Variants in CLNK observed in about 807,000 individuals in gnomAD.
CLNK encodes cytokine dependent hematopoietic cell linker, also known as cytokine-dependent hematopoietic cell linker.
CLNK carries 74 observed loss-of-function variants against 68.6 expected under a neutral mutation model. The observed-to-expected ratio is 1.08, with a 90% CI of 0.89 to 1.31. The LOEUF (loss-of-function observed/expected upper bound fraction) is 1.31, where lower values mean the gene tolerates loss of function less well. CLNK is among the 50% of genes most tolerant of loss of function. The pLI is 0.00. For missense variants in CLNK, 553 were observed against 515.3 expected (o/e 1.07, Z -0.71); for synonymous variants, 198 against 172.2 (o/e 1.15, Z -1.17).
chr4:10,695,274 A>C, the CLNK span, among the ~76,000 whole-genome samples: 3 of 152,210 alleles, frequency 2.0e-5, no homozygotes, highest in South Asian at 6.2e-4. Flanking sequence ...CATGTGCCAT[A>C]ACCTCACATT....
intron 2 of CLNK, among the ~76,000 whole-genome samples, chr4:10,616,167 C>T (rs1389797381): frequency 6.6e-6 from 1 of 152,220 alleles, no homozygotes; most frequent in Non-Finnish European, 1.5e-5. Flanking sequence ...TCTATTTTAT[C>T]TGAATGGTGG....
chr4:10,528,165 GT>G, intron 12 of CLNK, 71 bp from the exon 13 acceptor site: 1 of 712,692 alleles, frequency 1.4e-6, no homozygotes, highest in Non-Finnish European at 2.0e-6. Context: ...CACCATGTGT[GT>G]TTTTAGAGCA....
At chr4:10,643,686 A>T (rs542815320) in intron 2 of CLNK, among the ~76,000 whole-genome samples, 3 of 152,104 alleles carry the variant, frequency 2.0e-5, no homozygotes, top group Non-Finnish European at 4.4e-5. Context: ...TTTCTAATAT[A>T]CCCCCAGTCA....
At chr4:10,530,149 G>A (rs28560012) in intron 12 of CLNK, among the ~76,000 whole-genome samples, 4,918 of 151,980 alleles carry the variant, frequency 0.032, 267 homozygotes, top group African/African-American at 0.11. Context: ...CACGGCGGTG[G>A]GGAAGACACC....
chr4:10,689,250 T>A (rs1725378527), upstream of CLNK, among the ~76,000 whole-genome samples: 1 of 152,020 alleles, frequency 6.6e-6, no homozygotes, highest in South Asian at 2.1e-4. Context: ...TTCTCCTGCA[T>A]CAGCCTCCTG....
intron 2 of CLNK, among the ~76,000 whole-genome samples, chr4:10,624,062 C>T (rs1431772693): frequency 6.6e-6 from 1 of 152,186 alleles, no homozygotes; most frequent in Non-Finnish European, 1.5e-5. Flanking sequence ...CTGAAAAGAA[C>T]ACTTTTCAGT....
rs575306331 is a variant in CLNK at position 10,540,967 on chromosome 4, C to G, written c.492-363G>C. Among the ~76,000 whole-genome samples the G allele has an allele frequency of 9.3e-4, 141 of 152,200 alleles. 1 individual carries two copies. Among genetic ancestry groups the G allele is most frequent in the African/African-American group, 3.2e-3 (133 of 41,516 alleles). On this transcript the variant is annotated intron_variant, in intron 10 of 18. Coordinates refer to ENST00000226951, the MANE Select transcript of CLNK (RefSeq NM_052964.4). ...TGGTGGCTCACGCCTGTAATCCCAG[C>G]ACTTTGGGAGGCTGAGGTGGGCGTA...
the CLNK span, among the ~76,000 whole-genome samples, chr4:10,728,862 G>A: frequency 6.6e-6 from 1 of 152,170 alleles, no homozygotes; most frequent in East Asian, 1.9e-4. Context: ...GCCTCCCAAA[G>A]TGCTGGGATT....
intron 4 of CLNK, among the ~76,000 whole-genome samples, chr4:10,582,434 CA>C (rs1402769095): frequency 1.3e-5 from 2 of 152,124 alleles, no homozygotes; most frequent in Non-Finnish European, 2.9e-5. Context: ...TCTTTTAAAT[CA>C]AATCAGCTAA....
chr4:10,699,235 CACACACATACACACCACGTATGTGTGTAT>C, the CLNK span, among the ~76,000 whole-genome samples: 4 of 129,118 alleles, frequency 3.1e-5, no homozygotes, highest in African/African-American at 8.5e-5. Flanking sequence ...TGTGTGTATA[CACACACATACACACCACGTATGTGTGTAT>C]ACACACACAC....
Position 10,644,327 on chromosome 4 carries a change from C to T in CLNK, c.11+23532G>A, listed in dbSNP as rs145361139. Among the ~76,000 whole-genome samples the T allele has an allele frequency of 1.2e-3, 180 of 152,290 alleles. 2 individuals are homozygous for T. The Middle Eastern group carries it at 0.037, about 32-fold the overall frequency. ...ATGACTGCTCATATTTATTTAGGTG[C>T]CTTCATAATAACTGACAACTGTTCT... On this transcript the variant is annotated intron_variant, in intron 2 of 18. Coordinates refer to ENST00000226951, the MANE Select transcript of CLNK (RefSeq NM_052964.4).
At chr4:10,649,839 C>T (rs1723658315) in intron 2 of CLNK, among the ~76,000 whole-genome samples, 1 of 151,654 alleles carries the variant, frequency 6.6e-6, no homozygotes, top group South Asian at 2.1e-4. Flanking sequence ...TCAAAGAATT[C>T]CCATGGGTTA....
At chr4:10,665,682 A>G (rs1030698740) in intron 2 of CLNK, among the ~76,000 whole-genome samples, 6 of 151,454 alleles carry the variant, frequency 4.0e-5, no homozygotes, top group Non-Finnish European at 5.9e-5. Context: ...AAAAAAAAAA[A>G]AGGCACAGAA....
the CLNK span, among the ~76,000 whole-genome samples, chr4:10,723,255 C>T: frequency 2.6e-5 from 4 of 152,098 alleles, no homozygotes; most frequent in African/African-American, 9.7e-5. Flanking sequence ...TGATTTAGTT[C>T]CAGGAAGTGC....
At chr4:10,517,438 A>C (rs1345447016) in intron 15 of CLNK, 1 of 152,206 alleles carries the variant, frequency 6.6e-6, no homozygotes, top group East Asian at 1.9e-4. Context: ...CCAGTTATGT[A>C]CTGATTGCAC....
chr4:10,507,611 G>A (rs1261519898), intron 17 of CLNK, among the ~76,000 whole-genome samples: 3 of 151,578 alleles, frequency 2.0e-5, no homozygotes, highest in East Asian at 1.9e-4. Context: ...TTACAGATGC[G>A]TGCCACCATG....
chr4:10,540,408 A>G (rs1718965648), intron 11 of CLNK, 86 bp downstream of exon 11: 2 of 970,774 alleles, frequency 2.1e-6, no homozygotes, highest in African/African-American at 1.6e-5. Flanking sequence ...CCTGCTCTGA[A>G]AGGTACTTTG....
At chr4:10,572,529 C>T (rs1418015690) in intron 4 of CLNK, among the ~76,000 whole-genome samples, 1 of 152,150 alleles carries the variant, frequency 6.6e-6, no homozygotes, top group Admixed American at 6.5e-5. Context: ...TTGTAGTTTC[C>T]TGCTATTAGC....
intron 1 of CLNK, among the ~76,000 whole-genome samples, chr4:10,674,436 A>G (rs1178243775): frequency 6.6e-6 from 1 of 152,242 alleles, no homozygotes; most frequent in African/African-American, 2.4e-5. Flanking sequence ...AAGCCTAGGC[A>G]AAAGGGCCAG....
Sources: allele counts gnomAD v4.1 joint callset (sites outside exome capture counted in the v4.1 genomes callset), GRCh38; gene constraint gnomAD v4.1.1; transcripts MANE v1.5; gene names NCBI Gene and HGNC (gene_info 2026-07-23, HGNC 2026-07-21).